Variants in TCAF1 observed in about 807,000 individuals in gnomAD.
TCAF1 encodes the protein TRPM8 channel associated factor 1.
TCAF1 carries 4 observed loss-of-function variants against 27.3 expected under a neutral mutation model. That is an observed-to-expected ratio of 0.15 (90% CI 0.07 to 0.34). The LOEUF (loss-of-function observed/expected upper bound fraction) is 0.34. Among genes scored for constraint, TCAF1 ranks in the 10% least tolerant of loss-of-function variants. The pLI, the probability that TCAF1 is intolerant of heterozygous loss-of-function variation, is 1.00. For missense variants in TCAF1, 257 were observed against 425.8 expected (o/e 0.60, Z 3.49); for synonymous variants, 105 against 167.1 (o/e 0.63, Z 2.87).
intron 1 of TCAF1, among the ~76,000 whole-genome samples, chr7:143,880,230 A>G (rs1368339410): frequency 6.6e-6 from 1 of 152,218 alleles, no homozygotes; most frequent in Non-Finnish European, 1.5e-5. Context: ...GATATTTACT[A>G]TCACTATCCC....
chr7:143,876,079 C>G lies in TCAF1; in HGVS notation c.530G>C (p.Ser177Thr). 6.2e-7 allele frequency: 1 copy of G among 1,612,718 alleles called. No homozygotes were observed. Among genetic ancestry groups the G allele is most frequent in the South Asian group, 1.1e-5 (1 of 90,940 alleles). Reference sequence around the variant, plus strand: ...GTCAGTAAAGTAAATGCCAGCCACACTGGTCACGAGGTTCCCAGGGAACGT... The same window carrying G: ...GTCAGTAAAGTAAATGCCAGCCACAGTGGTCACGAGGTTCCCAGGGAACGT... ...LFTFPGNLVT[S>T]VAGIYFTDNK... The change falls in exon 2 of 9, where the codon AGT becomes ACT. Residue 177 changes from serine to threonine, a missense_variant. By Grantham distance (58) the Ser-to-Thr change is moderately conservative. This residue lies in a region of TCAF1 where 255 missense variants were observed against 260.1 expected (regional missense o/e 0.98). Coordinates refer to ENST00000479870, the MANE Select transcript of TCAF1 (RefSeq NM_014719.3).
At chr7:143,890,089 C>T (rs949307929) in intron 1 of TCAF1, among the ~76,000 whole-genome samples, 7 of 151,960 alleles carry the variant, frequency 4.6e-5, no homozygotes, top group African/African-American at 1.2e-4. Context: ...CCCAGGTTCA[C>T]GCCATTCTCC....
At chr7:143,859,778 G>A (rs1193961738) in intron 6 of TCAF1, among the ~76,000 whole-genome samples, 14 of 149,726 alleles carry the variant, frequency 9.4e-5, no homozygotes, top group South Asian at 2.1e-4. Context: ...CATTTTTACC[G>A]GCTTGAAGTC....
rs140642750 is a variant in TCAF1 at position 143,875,928 on chromosome 7, A to T, written c.620+61T>A. 1.5e-3 allele frequency: 2,211 copies of T among 1,466,622 alleles called. 3 individuals are homozygous for T. The highest frequency in any genetic ancestry group is 3.9e-3 in the Admixed American group (172 of 43,822). 90.9% of individuals were successfully genotyped at this position (1,466,622 alleles called of 1,614,324 possible). ...CTGTTAGCCTTGGAGCAACCTGAAG[A>T]TAAGAACTGGGTCTGCTTTTCAACC... is the stretch of plus-strand genomic sequence containing the variant. On this transcript the variant is annotated intron_variant, in intron 2 of 8. Coordinates refer to ENST00000479870, the MANE Select transcript of TCAF1 (RefSeq NM_014719.3).
chr7:143,892,780 G>A (rs1364840165), intron 1 of TCAF1, among the ~76,000 whole-genome samples: 1 of 152,096 alleles, frequency 6.6e-6, no homozygotes, highest in Non-Finnish European at 1.5e-5. Flanking sequence ...CTCATAATGG[G>A]ATTAGTATCT....
chr7:143,877,756 A>G (rs1431178822), intron 1 of TCAF1, among the ~76,000 whole-genome samples: 1 of 152,230 alleles, frequency 6.6e-6, no homozygotes, highest in Non-Finnish European at 1.5e-5. Context: ...AGCACAGGAC[A>G]TCACTGCTCT....
intron 7 of TCAF1, among the ~76,000 whole-genome samples, chr7:143,857,597 G>A (rs1233316179): frequency 1.3e-5 from 2 of 152,296 alleles, no homozygotes; most frequent in Non-Finnish European, 2.9e-5. Context: ...TGAGGGCCAT[G>A]GTAACAACTG....
intron 1 of TCAF1, among the ~76,000 whole-genome samples, chr7:143,877,890 T>C (rs1812802454): frequency 1.3e-5 from 2 of 152,232 alleles, no homozygotes; most frequent in South Asian, 4.1e-4. Context: ...AGACAGCCCT[T>C]ACAATTTAAT....
chr7:143,886,053 G>C (rs530276843), intron 1 of TCAF1, among the ~76,000 whole-genome samples: 5 of 152,196 alleles, frequency 3.3e-5, no homozygotes, highest in African/African-American at 1.2e-4. Flanking sequence ...AGTGGAACAC[G>C]AGACTTGACC....
chr7:143,882,822 T>C, intron 1 of TCAF1: 1 of 985,598 alleles, frequency 1.0e-6, no homozygotes, highest in Non-Finnish European at 1.2e-6. Context: ...GGCTTCCCTG[T>C]ACCAGTGACT....
intron 1 of TCAF1, among the ~76,000 whole-genome samples, chr7:143,893,113 A>G (rs187842401): frequency 6.6e-6 from 1 of 152,346 alleles, no homozygotes; most frequent in Non-Finnish European, 1.5e-5. Flanking sequence ...ACCAAAAGAA[A>G]GCTAGTATGG....
intron 1 of TCAF1, among the ~76,000 whole-genome samples, chr7:143,895,831 A>G (rs977522075): frequency 1.3e-5 from 2 of 151,008 alleles, no homozygotes; most frequent in Non-Finnish European, 3.0e-5. Context: ...ATTAGGAATT[A>G]TATGCGTTAA....
intron 1 of TCAF1, chr7:143,882,667 C>G: frequency 2.0e-6 from 2 of 985,198 alleles, no homozygotes; most frequent in Non-Finnish European, 2.4e-6. Context: ...CCCCCCGCAG[C>G]ACCCAGGCCG....
rs1407753264 is a variant in TCAF1, at chr7:143,852,119, T to C, written c.*2014A>G. Reference sequence around the variant, plus strand: ...AAGGAAATGTACCTATCAAGCCTCTTCTTATTCTTCATGAATAACTCAAAA... The same window carrying C: ...AAGGAAATGTACCTATCAAGCCTCTCCTTATTCTTCATGAATAACTCAAAA... On this transcript the variant is annotated 3_prime_UTR_variant, in exon 9 of 9. Coordinates refer to ENST00000479870, the MANE Select transcript of TCAF1 (RefSeq NM_014719.3). 3.3e-5 allele frequency: 5 copies of C among 151,150 alleles called. No individual in the cohort carries two copies. Among genetic ancestry groups the C allele is most frequent in the Admixed American group, 2.0e-4 (3 of 14,838 alleles). 9.4% of individuals were successfully genotyped at this position (151,150 alleles called of 1,614,324 possible). A position where few individuals can be genotyped will look rare whatever the true frequency, so the allele number is the denominator to read the frequency against.
intron 1 of TCAF1, among the ~76,000 whole-genome samples, chr7:143,883,451 A>T (rs1044582870): frequency 6.6e-6 from 1 of 150,522 alleles, no homozygotes. Context: ...GTTAACCAAA[A>T]TGTATTTTTC....
In TCAF1 at chr7:143,892,337, G is replaced by A. The variant is rs149861904; in HGVS notation, c.-15+9624C>T. Among the ~76,000 whole-genome samples the A allele has an allele frequency of 4.0e-3, 611 of 151,996 alleles. 3 individuals are homozygous for A. Among genetic ancestry groups the A allele is most frequent in the Non-Finnish European group, 6.7e-3 (455 of 67,960 alleles). ...ACATAGAAGTAATAATTTAAGGTAGGTCATAATAAATCAATAAGGTGAACT... is the reference window on the plus strand; with the variant it reads ...ACATAGAAGTAATAATTTAAGGTAGATCATAATAAATCAATAAGGTGAACT... On this transcript the variant is annotated intron_variant, in intron 1 of 8. Transcript: ENST00000479870.
At chr7:143,878,309 T>C (rs1355288756) in intron 1 of TCAF1, among the ~76,000 whole-genome samples, 1 of 152,232 alleles carries the variant, frequency 6.6e-6, no homozygotes, top group African/African-American at 2.4e-5. Context: ...GAATTGAGCA[T>C]GTATTGATTC....
At chr7:143,876,738 G>T in intron 1 of TCAF1, 116 bp from the exon 2 acceptor site, 1 of 740,114 alleles carries the variant, frequency 1.4e-6, no homozygotes, top group Non-Finnish European at 2.0e-6. Context: ...AGATGAGGCT[G>T]ACACTGGGAA....
intron 1 of TCAF1, among the ~76,000 whole-genome samples, chr7:143,898,407 A>G (rs1399064931): frequency 6.6e-6 from 1 of 152,182 alleles, no homozygotes; most frequent in African/African-American, 2.4e-5. Context: ...CAAAATTATC[A>G]TTATTTTCGG....
Sources: allele counts gnomAD v4.1 joint callset (sites outside exome capture counted in the v4.1 genomes callset), GRCh38; gene constraint gnomAD v4.1.1; regional missense constraint gnomAD v4.1.1; transcripts MANE v1.5; gene names NCBI Gene and HGNC (gene_info 2026-07-23, HGNC 2026-07-21).